Variants in PPP6C observed in about 807,000 individuals in gnomAD.
The protein encoded by PPP6C is protein phosphatase 6 catalytic subunit.
A neutral mutation model predicts 39.8 loss-of-function variants in PPP6C; 11 were observed. The observed-to-expected ratio is 0.28, with a 90% CI of 0.17 to 0.46. The LOEUF (loss-of-function observed/expected upper bound fraction) is 0.46. Ranked by LOEUF, PPP6C falls within the 20% of genes least tolerant of loss-of-function variation. The pLI is 1.00. For synonymous variants in PPP6C, 129 were observed against 130.3 expected, an observed-to-expected ratio of 0.99 and a Z score of 0.07; for missense variants, 211 against 373.9, an observed-to-expected ratio of 0.56 and a Z score of 3.59.
intron 5 of PPP6C, 79 bp from the exon 6 acceptor site, chr9:125,153,821 A>C (rs1836007018): frequency 6.6e-7 from 1 of 1,524,508 alleles, no homozygotes; most frequent in Non-Finnish European, 9.1e-7. Context: ...TAAAGATATC[A>C]ATATAATTGA....
intron 6 of PPP6C, among the ~76,000 whole-genome samples, chr9:125,151,883 G>C (rs1835955997): frequency 6.6e-6 from 1 of 152,182 alleles, no homozygotes. Context: ...ATGTTGTGTG[G>C]GGGTGTTTGA....
intron 3 of PPP6C, among the ~76,000 whole-genome samples, chr9:125,159,657 T>C (rs1828810880): frequency 6.6e-6 from 1 of 152,202 alleles, no homozygotes; most frequent in African/African-American, 2.4e-5. Flanking sequence ...TAATATACTA[T>C]TTACACTTCC....
At chr9:125,164,085 G>A (rs1468891936) in intron 2 of PPP6C, among the ~76,000 whole-genome samples, 4 of 151,756 alleles carry the variant, frequency 2.6e-5, no homozygotes, top group African/African-American at 7.3e-5. Flanking sequence ...TGATCCACCC[G>A]CTTCGGTTTC....
chr9:125,177,182 G>A (rs1408705310), intron 1 of PPP6C, among the ~76,000 whole-genome samples: 1 of 151,744 alleles, frequency 6.6e-6, no homozygotes, highest in Admixed American at 6.6e-5. Flanking sequence ...AGACCATCCT[G>A]GCTAACACAA....
At chr9:125,173,794 T>G (rs542951245) in intron 1 of PPP6C, among the ~76,000 whole-genome samples, 30 of 151,982 alleles carry the variant, frequency 2.0e-4, no homozygotes, top group African/African-American at 6.7e-4. Flanking sequence ...ATTTTTGGAT[T>G]TTTAGTAGAG....
intron 3 of PPP6C, among the ~76,000 whole-genome samples, chr9:125,159,898 T>C (rs1458627111): frequency 6.6e-6 from 1 of 152,162 alleles, no homozygotes; most frequent in African/African-American, 2.4e-5. Context: ...GGCGCACGCC[T>C]GTAATACCAG....
chr9:125,150,505 G>C, intron 6 of PPP6C: 1 of 412,178 alleles, frequency 2.4e-6, no homozygotes, highest in South Asian at 1.9e-5. Flanking sequence ...GAAAACAGTT[G>C]AAAGTTCAAA....
rs1393643841 is a variant in PPP6C, at chr9:125,153,916, G to A, written c.449C>T (p.Thr150Ile). The A allele has an allele frequency of 6.2e-7, 1 of 1,606,754 alleles. No individual in the cohort carries two copies. Among genetic ancestry groups the A allele is most frequent in the South Asian group, 1.1e-5 (1 of 90,816 alleles). ...RYCTKVFDML[T>I]VAALIDEQIL... ...AAAATAGAAACTTACAGCTGCTACT[G>A]TGAGCATGTCAAAAACTTTGGTACA... The change falls in exon 5 of 7, where the codon ACA (threonine) becomes ATA (isoleucine). Residue 150 changes from threonine (T) to isoleucine (I), a missense_variant. Thr to Ile is a moderately conservative substitution (Grantham distance 89). Coordinates refer to ENST00000373547, the MANE Select transcript of PPP6C (RefSeq NM_002721.5).
chr9:125,151,092 T>A (rs1474972769), intron 6 of PPP6C: 2 of 1,322,236 alleles, frequency 1.5e-6, no homozygotes, highest in East Asian at 2.3e-5. Flanking sequence ...CAGAGCCAGG[T>A]GTCCTGAAGT....
chr9:125,148,925 T>A lies in PPP6C; in HGVS notation c.*748A>T, dbSNP rs1835870612. ...TAACCAAAGGGTCAAGAACTCTGAT[T>A]AGGAAAAAAGAAAAGATAACTTTAC... is the stretch of plus-strand genomic sequence containing the variant. On this transcript the variant is annotated 3_prime_UTR_variant, in exon 7 of 7. Transcript: ENST00000373547. 1 of 152,172 alleles carries A rather than the reference T, an allele frequency of 6.6e-6. No individual in the cohort carries two copies. The highest frequency in any genetic ancestry group is 1.9e-4 in the East Asian group (1 of 5,204). 9.4% of individuals were successfully genotyped at this position (152,172 alleles called of 1,614,324 possible). A position where few individuals can be genotyped will look rare whatever the true frequency, so the allele number is the denominator to read the frequency against.
rs781221037 is a variant in PPP6C, at chr9:125,165,795, C to CTTTT, written c.172-4893_172-4890dup. The stretch of plus-strand genomic sequence containing the variant: ...CTGAAACCATAACAGTAATCTTTTG[C>CTTTT]TTTTTTTTTTTTTTTTTTGGAGACA... On this transcript the variant is annotated intron_variant, in intron 2 of 6. Transcript: ENST00000373547. Among the ~76,000 whole-genome samples the CTTTT allele has an allele frequency of 2.6e-4, 29 of 113,606 alleles. 5 individuals carry two copies. The highest frequency in any genetic ancestry group is 8.7e-4 in the African/African-American group (25 of 28,710). The allele number at this position is 113,606 out of a possible 152,430, so 74.5% of individuals were successfully genotyped here. A position where few individuals can be genotyped will look rare whatever the true frequency, so the allele number is the denominator to read the frequency against.
chr9:125,155,904 C>CAAAAAAA (rs1231626756), intron 4 of PPP6C, among the ~76,000 whole-genome samples: 2 of 61,454 alleles, frequency 3.3e-5, no homozygotes, highest in African/African-American at 1.3e-4. Flanking sequence ...GACTCCGTCT[C>CAAAAAAA]AAAAAAAAAA....
chr9:125,155,014 C>A (rs1057115954), intron 4 of PPP6C, among the ~76,000 whole-genome samples: 3 of 152,168 alleles, frequency 2.0e-5, no homozygotes, highest in Non-Finnish European at 4.4e-5. Context: ...TTCAAGCGAT[C>A]CCACCACCTC....
intron 1 of PPP6C, among the ~76,000 whole-genome samples, chr9:125,177,677 T>C (rs1829332756): frequency 6.6e-6 from 1 of 152,164 alleles, no homozygotes; most frequent in African/African-American, 2.4e-5. Flanking sequence ...CACTGACATA[T>C]CATTATCATC....
At chr9:125,151,281 C>T in intron 6 of PPP6C, 1 of 1,496,044 alleles carries the variant, frequency 6.7e-7, no homozygotes, top group East Asian at 2.3e-5. Context: ...GATCTGGTGG[C>T]CATCCTTGCG....
At chr9:125,153,252 G>T (rs957002654) in intron 6 of PPP6C, among the ~76,000 whole-genome samples, 1 of 151,942 alleles carries the variant, frequency 6.6e-6, no homozygotes, top group African/African-American at 2.4e-5. Context: ...CTCCAGCCTA[G>T]GCGACAGAGC....
chr9:125,174,608 T>TAAAAAAAATAA (rs1829254292), intron 1 of PPP6C, among the ~76,000 whole-genome samples: 1 of 151,410 alleles, frequency 6.6e-6, no homozygotes, highest in South Asian at 2.1e-4. Flanking sequence ...CATCACTCAT[T>TAAAAAAAATAA]AAAAAAAATA....
chr9:125,171,464 CACACACACACACACATATAT>C (rs1426174308), intron 1 of PPP6C, among the ~76,000 whole-genome samples: 2 of 25,654 alleles, frequency 7.8e-5, no homozygotes, highest in African/African-American at 2.7e-4. Context: ...CACATATACA[CACACACACACACACATATAT>C]ATATATATAT....
At chr9:125,187,512 G>C (rs1048928094) in intron 1 of PPP6C, among the ~76,000 whole-genome samples, 3 of 151,906 alleles carry the variant, frequency 2.0e-5, no homozygotes, top group East Asian at 3.9e-4. Flanking sequence ...TCAAACTCCT[G>C]ATCTCAAATG....
Sources: allele counts gnomAD v4.1 joint callset (sites outside exome capture counted in the v4.1 genomes callset), GRCh38; gene constraint gnomAD v4.1.1; transcripts MANE v1.5; gene names NCBI Gene and HGNC (gene_info 2026-07-23, HGNC 2026-07-21).